SYNPO2L: variants seen among roughly 807,000 people sequenced by gnomAD.
SYNPO2L encodes synaptopodin 2-like protein.
In SYNPO2L, 34 loss-of-function variants were observed where a neutral mutation model predicts 47.5. That is an observed-to-expected ratio of 0.72 (90% CI 0.54 to 0.95). SYNPO2L has a LOEUF of 0.95. Among genes scored for constraint, SYNPO2L ranks in the 40% least tolerant of loss-of-function variants. SYNPO2L has a pLI of 0.00. For synonymous variants in SYNPO2L, 536 were observed against 524.9 expected (o/e 1.02, Z -0.29); for missense variants, 1,246 against 1,282.0 (o/e 0.97, Z 0.43).
At position 73,653,060 on chromosome 10, in the gene SYNPO2L, G is replaced by A. The variant is rs546900782; in HGVS notation, c.772+79C>T. 4 of 1,410,470 alleles carry A rather than the reference G, an allele frequency of 2.8e-6. No homozygotes were observed. The African/African-American group carries it at 4.3e-5, about 15-fold the overall frequency. The allele number at this position is 1,410,470 out of a possible 1,614,324, so 87.4% of individuals were successfully genotyped here. On this transcript the variant is annotated intron_variant, in intron 3 of 3. Coordinates refer to ENST00000394810, the MANE Select transcript of SYNPO2L (RefSeq NM_001114133.3). ...GTATCCAAGGGTCCCAAGGTAGGGA[G>A]AATGTACGGCTATAGAAGGCTGGAT...
chr10:73,654,050 C>A, intron 2 of SYNPO2L, 79 bp downstream of exon 2: 1 of 1,502,176 alleles, frequency 6.7e-7, no homozygotes, highest in Non-Finnish European at 9.0e-7. Flanking sequence ...GTTGCTAAAG[C>A]CAGGCCAGTG....
At chr10:73,650,105 T>C in intron 3 of SYNPO2L, 1 of 985,424 alleles carries the variant, frequency 1.0e-6, no homozygotes, top group South Asian at 4.7e-5. Context: ...AGGGCTACCC[T>C]GCTGCGAGGA....
At chr10:73,651,150 G>A (rs1234016246) in intron 3 of SYNPO2L, 2 of 1,280,216 alleles carry the variant, frequency 1.6e-6, no homozygotes, top group Non-Finnish European at 2.0e-6. Context: ...TCCCTTCTCT[G>A]GGCTGCCCCA....
At chr10:73,653,824 T>C (rs1016242844) in intron 2 of SYNPO2L, among the ~76,000 whole-genome samples, 171 bp from the exon 3 acceptor site, 4 of 151,946 alleles carry the variant, frequency 2.6e-5, no homozygotes, top group Non-Finnish European at 5.9e-5. Context: ...GAAGACAAAC[T>C]GGGAGGCAAA....
rs991658905 is a variant in SYNPO2L, at chr10:73,653,333, C to T, written c.578G>A (p.Ser193Asn). 4 of 1,551,480 alleles carry T rather than the reference C, an allele frequency of 2.6e-6. No homozygotes were observed. In the African/African-American group the frequency reaches 5.5e-5, roughly 21 times the overall value. The change falls in exon 3 of 4, where the codon AGC becomes AAC. Residue 193 changes from serine to asparagine, a missense_variant. Physicochemically the swap from Ser to Asn is conservative, Grantham distance 46 (BLOSUM62 1). Coordinates refer to ENST00000394810, the MANE Select transcript of SYNPO2L (RefSeq NM_001114133.3). ...GGAGCTCACACGGCTGTCACCCTGG[C>T]TGGGAGGGCCAGGGATAGTAGGTGC... is the stretch of plus-strand genomic sequence containing the variant. The part of the protein sequence containing the change: ...EPAPTIPGPP[S>N]QGDSRVSSPS...
At position 73,645,907 on chromosome 10, in the gene SYNPO2L, C is replaced by T; in HGVS notation, c.*811G>A. Reference sequence around the variant, plus strand: ...TGGCGCAATCTCAGCTCACTGCAAGCTCCGCCTTCCAGGTTCATGCCATTC... The same window carrying T: ...TGGCGCAATCTCAGCTCACTGCAAGTTCCGCCTTCCAGGTTCATGCCATTC... On this transcript the variant is annotated 3_prime_UTR_variant, in exon 4 of 4. Coordinates refer to ENST00000394810, the MANE Select transcript of SYNPO2L (RefSeq NM_001114133.3). The T allele has an allele frequency of 1.1e-6, 1 of 946,220 alleles. No individual in the cohort carries two copies. The highest frequency in any genetic ancestry group is 1.3e-6 in the Non-Finnish European group (1 of 793,928). The allele number at this position is 946,220 out of a possible 1,614,324, so 58.6% of individuals were successfully genotyped here. A position where few individuals can be genotyped will look rare whatever the true frequency, so the allele number is the denominator to read the frequency against.
At chr10:73,649,494 C>T (rs2081819523) in intron 3 of SYNPO2L, among the ~76,000 whole-genome samples, 1 of 152,210 alleles carries the variant, frequency 6.6e-6, no homozygotes, top group African/African-American at 2.4e-5. Flanking sequence ...TCCCACCACA[C>T]AGCACTTCAA....
intron 2 of SYNPO2L, 93 bp downstream of exon 2, chr10:73,654,036 G>T (rs946504022): frequency 2.6e-5 from 38 of 1,452,558 alleles, no homozygotes; most frequent in Non-Finnish European, 3.5e-5. Context: ...ATAGGTACCT[G>T]TTAGTTGCTA....
chr10:73,650,803 G>GGAAA (rs1353889342), intron 3 of SYNPO2L: 23 of 1,382,190 alleles, frequency 1.7e-5, no homozygotes, highest in South Asian at 1.4e-4. Context: ...ACAGCAAAAA[G>GGAAA]GAACAAGAGA....
intron 3 of SYNPO2L, chr10:73,650,336 T>C (rs1416843262): frequency 8.6e-6 from 7 of 812,770 alleles, no homozygotes; most frequent in Admixed American, 1.2e-4. Context: ...CCAGTGTTTA[T>C]ACCACAGAAT....
chr10:73,646,821 GC>G lies in SYNPO2L; in HGVS notation c.2830del (p.Ala944LeufsTer10). On this transcript the variant is annotated frameshift_variant, in exon 4 of 4. Coordinates refer to ENST00000394810, the MANE Select transcript of SYNPO2L (RefSeq NM_001114133.3). LOFTEE classifies it high-confidence loss of function. ...PPPEAPRGLG[A>X]SPSSCGFQVA... ...CTGGAAACCGCAGGAGCTGGGAGAA[GC>G]CCCAAGGCCCCTGGGAGCCTCTGGA... 6.5e-7 allele frequency: 1 copy of G among 1,545,350 alleles called. No individual in the cohort carries two copies. Among genetic ancestry groups the G allele is most frequent in the Non-Finnish European group, 8.7e-7 (1 of 1,148,738 alleles).
rs2081802109 is a variant in SYNPO2L, at chr10:73,648,431, C to T, written c.1221G>A (p.Arg407=). 1.2e-6 allele frequency: 2 copies of T among 1,608,898 alleles called. No individual in the cohort carries two copies. The highest frequency in any genetic ancestry group is 1.7e-6 in the Non-Finnish European group (2 of 1,179,824). The stretch of plus-strand genomic sequence containing the variant: ...CGTTGAGCATGGCTGCTGGTTCGAC[C>T]CGTGCCAGTTCCTGGGTGCTGGAGT... ...RADSSTQELA[R]VEPAAMLNGE... The change falls in exon 4 of 4, where the codon CGG becomes CGA. Residue 407 remains arginine (R), a synonymous_variant. Coordinates refer to ENST00000394810, the MANE Select transcript of SYNPO2L (RefSeq NM_001114133.3).
rs2081738954 is a variant in SYNPO2L at position 73,645,663 on chromosome 10, A to G, written c.*1055T>C. 31 of 985,864 alleles carry G rather than the reference A, an allele frequency of 3.1e-5. No homozygotes were observed. Among genetic ancestry groups the G allele is most frequent in the Non-Finnish European group, 3.7e-5 (31 of 830,046 alleles). The allele number at this position is 985,864 out of a possible 1,614,324, so 61.1% of individuals were successfully genotyped here. A position where few individuals can be genotyped will look rare whatever the true frequency, so the allele number is the denominator to read the frequency against. On this transcript the variant is annotated 3_prime_UTR_variant, in exon 4 of 4. Coordinates refer to ENST00000394810, the MANE Select transcript of SYNPO2L (RefSeq NM_001114133.3). ...CCCATGCAAACTGTCCTGGCCCTTCAGTCTTTTCATGCTCCATAACTTTCA... is the reference window on the plus strand; with the variant it reads ...CCCATGCAAACTGTCCTGGCCCTTCGGTCTTTTCATGCTCCATAACTTTCA...
Position 73,655,860 on chromosome 10 carries a change from A to G in SYNPO2L, c.63T>C (p.Leu21=). The G allele has an allele frequency of 2.6e-6, 4 of 1,550,990 alleles. No individual in the cohort carries two copies. The highest frequency in any genetic ancestry group is 3.5e-6 in the Non-Finnish European group (4 of 1,146,850). Residue 21 remains leucine, a synonymous_variant, in exon 1 of 4, where the codon CTT becomes CTC. Transcript: ENST00000394810. ...LSGGAPWGFR[L]HGGAEQRKPL... ...GTTTCCTCTGCTCGGCCCCCCCATG[A>G]AGTCGGAAGCCCCAGGGGGCTCCCC...
In SYNPO2L at chr10:73,647,940, G is replaced by T. The variant is rs1329016238; in HGVS notation, c.1712C>A (p.Pro571His). 6.5e-7 allele frequency: 1 copy of T among 1,530,790 alleles called. No homozygotes were observed. Among genetic ancestry groups the T allele is most frequent in the South Asian group, 1.3e-5 (1 of 76,782 alleles). 94.8% of individuals were successfully genotyped at this position (1,530,790 alleles called of 1,614,324 possible). ...GGTGGAGGTCATGGCAGCTGCGCTA[G>T]GAGGAGCGGGGGGCTCTGGAGCTCC... ...PGGAPEPPAP[P>H]SAAAMTSTAS... The change falls in exon 4 of 4, where the codon CCT becomes CAT. Residue 571 changes from proline to histidine, a missense_variant. By Grantham distance (77) the Pro-to-His change is moderately conservative. Around this residue, in one of 3 missense-constraint regions of SYNPO2L, gnomAD observed 1,037 missense variants for 1,021.5 expected, o/e 1.02. Transcript: ENST00000394810.
In SYNPO2L at chr10:73,654,241, C is replaced by T; in HGVS notation, c.145G>A (p.Glu49Lys). 1 of 1,551,646 alleles carries T rather than the reference C, an allele frequency of 6.4e-7. No homozygotes were observed. Among genetic ancestry groups the T allele is most frequent in the Non-Finnish European group, 8.7e-7 (1 of 1,146,996 alleles). ...RSQAGRAGLR[E>K]RDQLLAINGV... The stretch of plus-strand genomic sequence containing the variant: ...TTGATTGCCAAGAGCTGGTCCCTCT[C>T]TCGGAGTCCTGCTCTGCCAGCCTGG... Residue 49 changes from glutamate (E) to lysine (K), a missense_variant, in exon 2 of 4, where the codon GAG (glutamate) becomes AAG (lysine). Around this residue, in one of 3 missense-constraint regions of SYNPO2L, gnomAD observed 148 missense variants for 204.8 expected, o/e 0.72. Transcript: ENST00000394810.
At chr10:73,653,737 A>G (rs1484784127) in intron 2 of SYNPO2L, 84 bp from the exon 3 acceptor site, 6 of 1,435,706 alleles carry the variant, frequency 4.2e-6, no homozygotes, top group Non-Finnish European at 5.5e-6. Flanking sequence ...GGGAAGAGGT[A>G]AGGGGGAGGG....
chr10:73,654,357 C>G lies in SYNPO2L; in HGVS notation c.106-77G>C. ...GAATGAAAGGAAAAGATGGGAAGGA[C>G]CCACAGGAGGGGATTTTACTTTGCA... is the stretch of plus-strand genomic sequence containing the variant. On this transcript the variant is annotated intron_variant, in intron 1 of 3. Transcript: ENST00000394810. 5 of 1,520,362 alleles carry G rather than the reference C, an allele frequency of 3.3e-6. No homozygotes were observed. In the East Asian group the frequency reaches 1.2e-4, roughly 37 times the overall value. The allele number at this position is 1,520,362 out of a possible 1,614,324, so 94.2% of individuals were successfully genotyped here.
In SYNPO2L at chr10:73,646,177, A is replaced by AGC. The variant is rs913837907; in HGVS notation, c.*539_*540dup. On this transcript the variant is annotated 3_prime_UTR_variant, in exon 4 of 4. Transcript: ENST00000394810. ...CTCTTATTCATGCCTTAGACGGAAG[A>AGC]GCACACACACACACACACACACACA... 1.9e-4 allele frequency: 163 copies of AGC among 841,864 alleles called. No homozygotes were observed. The highest frequency in any genetic ancestry group is 2.1e-4 in the Non-Finnish European group (153 of 739,010). The allele number at this position is 841,864 out of a possible 1,614,324, so 52.1% of individuals were successfully genotyped here.
Sources: allele counts gnomAD v4.1 joint callset (sites outside exome capture counted in the v4.1 genomes callset), GRCh38; gene constraint gnomAD v4.1.1; regional missense constraint gnomAD v4.1.1; transcripts MANE v1.5; gene names NCBI Gene and HGNC (gene_info 2026-07-23, HGNC 2026-07-21).